Variants in POLR2D observed in about 807,000 individuals in gnomAD.
POLR2D encodes the protein DNA-directed RNA polymerase II subunit RPB4.
POLR2D carries 10 observed loss-of-function variants against 17.6 expected under a neutral mutation model. The observed-to-expected ratio is 0.57, with a 90% CI of 0.35 to 0.96. POLR2D has a LOEUF of 0.96. Among genes scored for constraint, POLR2D ranks in the 40% least tolerant of loss-of-function variants. The pLI is 0.02. For synonymous variants in POLR2D, 52 were observed against 60.2 expected, an observed-to-expected ratio of 0.86 and a Z score of 0.63; for missense variants, 126 against 176.4, an observed-to-expected ratio of 0.71 and a Z score of 1.62.
chr2:127,844,418 C>T lies in POLR2D; in HGVS notation c.*3689G>A, dbSNP rs1690117559. ...TCTGGTGAAGTGAGGGTTTGACAAC[C>T]TATCTTTTTGTTGTATCAGTATGTT... On this transcript the variant is annotated 3_prime_UTR_variant, in exon 4 of 4. Coordinates refer to ENST00000272645, the MANE Select transcript of POLR2D (RefSeq NM_004805.4). 6.6e-6 allele frequency: 1 copy of T among 152,172 alleles called. No individual in the cohort carries two copies. The highest frequency in any genetic ancestry group is 6.5e-5 in the Admixed American group (1 of 15,278). 9.4% of individuals were successfully genotyped at this position (152,172 alleles called of 1,614,324 possible). A position where few individuals can be genotyped will look rare whatever the true frequency, so the allele number is the denominator to read the frequency against.
At position 127,844,618 on chromosome 2, in the gene POLR2D, T is replaced by G. The variant is rs1690121122; in HGVS notation, c.*3489A>C. ...CTTTCAACCTACAACAGCATGAGGT[T>G]GCTTTACCAAGTTCCCTAGTATGAG... On this transcript the variant is annotated 3_prime_UTR_variant, in exon 4 of 4. Coordinates refer to ENST00000272645, the MANE Select transcript of POLR2D (RefSeq NM_004805.4). 1 of 152,200 alleles carries G rather than the reference T, an allele frequency of 6.6e-6. No homozygotes were observed. The allele number at this position is 152,200 out of a possible 1,614,324, so 9.4% of individuals were successfully genotyped here. A position where few individuals can be genotyped will look rare whatever the true frequency, so the allele number is the denominator to read the frequency against.
In POLR2D at chr2:127,852,783, T is replaced by G; in HGVS notation, c.254+142A>C. 1.5e-6 allele frequency: 1 copy of G among 669,860 alleles called. No homozygotes were observed. The highest frequency in any genetic ancestry group is 2.6e-6 in the Non-Finnish European group (1 of 379,956). 41.5% of individuals were successfully genotyped at this position (669,860 alleles called of 1,614,324 possible). ...GATCTGCTGCCTCAACCTTCCAAAG[T>G]GCTGGGTGTGAGCCACCATGCCCAG... is the stretch of plus-strand genomic sequence containing the variant. On this transcript the variant is annotated intron_variant, in intron 2 of 3. Coordinates refer to ENST00000272645, the MANE Select transcript of POLR2D (RefSeq NM_004805.4). This position sits in a 1 kb window ranked among gnomAD's most constrained non-coding sequence, Gnocchi z 4.0.
chr2:127,850,618 C>A lies in POLR2D; in HGVS notation c.322G>T (p.Ala108Ser). 6.3e-7 allele frequency: 1 copy of A among 1,580,164 alleles called. No individual in the cohort carries two copies. Among genetic ancestry groups the A allele is most frequent in the Non-Finnish European group, 8.7e-7 (1 of 1,155,828 alleles). Reference sequence around the variant, plus strand: ...GGGATTAGAGCCTTGGACTCCTCAGCAGTCTCTGGGCAAAGGTTGGCCAAA... The same window carrying A: ...GGGATTAGAGCCTTGGACTCCTCAGAAGTCTCTGGGCAAAGGTTGGCCAAA... ...ACLANLCPETAEESKALIPSL... is the reference protein window; with the variant it reads ...ACLANLCPETSEESKALIPSL... Residue 108 changes from alanine to serine, a missense_variant, in exon 3 of 4, where the codon GCT (alanine) becomes TCT (serine). By Grantham distance (99) the Ala-to-Ser change is moderately conservative. Around this residue, in one of 2 missense-constraint regions of POLR2D, gnomAD observed 85 missense variants for 151.4 expected, o/e 0.56. Coordinates refer to ENST00000272645, the MANE Select transcript of POLR2D (RefSeq NM_004805.4).
In POLR2D at chr2:127,853,354, T is replaced by C. The variant is rs534991290; in HGVS notation, c.74-249A>G. Among the ~76,000 whole-genome samples, 9 of 152,304 alleles carry C rather than the reference T, an allele frequency of 5.9e-5. No homozygotes were observed. In the South Asian group the frequency reaches 1.0e-3, roughly 18 times the overall value. The stretch of plus-strand genomic sequence containing the variant: ...GTCATCCAAGTGATAAGCATAGTAC[T>C]GATACATAGTTTTTCAATCTGCACC... On this transcript the variant is annotated intron_variant, in intron 1 of 3. Transcript: ENST00000272645.
intron 1 of POLR2D, among the ~76,000 whole-genome samples, chr2:127,853,662 C>G (rs1376366988): frequency 6.6e-6 from 1 of 152,040 alleles, no homozygotes; most frequent in African/African-American, 2.4e-5. Context: ...CAGGTGATGC[C>G]CCATCCCCAT....
Position 127,844,976 on chromosome 2 carries a change from T to C in POLR2D, c.*3131A>G, listed in dbSNP as rs1381597592. ...ACTGTGAGCTGCTTTTTAAATCTGC[T>C]TTTAATCACCTTGATAAATACCACT... On this transcript the variant is annotated 3_prime_UTR_variant, in exon 4 of 4. Coordinates refer to ENST00000272645, the MANE Select transcript of POLR2D (RefSeq NM_004805.4). 6.6e-6 allele frequency: 1 copy of C among 152,172 alleles called. No homozygotes were observed. The highest frequency in any genetic ancestry group is 1.5e-5 in the Non-Finnish European group (1 of 68,040). 9.4% of individuals were successfully genotyped at this position (152,172 alleles called of 1,614,324 possible). A position where few individuals can be genotyped will look rare whatever the true frequency, so the allele number is the denominator to read the frequency against.
In POLR2D at chr2:127,853,082, G is replaced by C; in HGVS notation, c.97C>G (p.Leu33Val). ...AGAAGCATATGAACTTCTGAATTTA[G>C]AAGTGTCTCAGCTGTTTCAAACTCT... The part of the protein sequence containing the change: ...PKEFETAETL[L>V]NSEVHMLLEH... Residue 33 changes from leucine (L) to valine (V), a missense_variant, in exon 2 of 4, where the codon CTA becomes GTA. Transcript: ENST00000272645. The C allele has an allele frequency of 6.2e-7, 1 of 1,613,568 alleles. No homozygotes were observed. The highest frequency in any genetic ancestry group is 8.5e-7 in the Non-Finnish European group (1 of 1,179,716).
In POLR2D at chr2:127,848,064, G is replaced by T; in HGVS notation, c.*43C>A. On this transcript the variant is annotated 3_prime_UTR_variant, in exon 4 of 4. Coordinates refer to ENST00000272645, the MANE Select transcript of POLR2D (RefSeq NM_004805.4). ...CCAGACAGTGGGAAGGTGGTGTTATGCCTGGGGATGTGGTTTCTCCGAGCA... is the reference window on the plus strand; with the variant it reads ...CCAGACAGTGGGAAGGTGGTGTTATTCCTGGGGATGTGGTTTCTCCGAGCA... 7.8e-7 allele frequency: 1 copy of T among 1,277,442 alleles called. No homozygotes were observed. 79.1% of individuals were successfully genotyped at this position (1,277,442 alleles called of 1,614,324 possible). A position where few individuals can be genotyped will look rare whatever the true frequency, so the allele number is the denominator to read the frequency against.
At position 127,846,825 on chromosome 2, in the gene POLR2D, C is replaced by A; in HGVS notation, c.*1282G>T. 1 of 155,360 alleles carries A rather than the reference C, an allele frequency of 6.4e-6. No individual in the cohort carries two copies. The highest frequency in any genetic ancestry group is 1.9e-4 in the South Asian group (1 of 5,282). 9.6% of individuals were successfully genotyped at this position (155,360 alleles called of 1,614,324 possible). On this transcript the variant is annotated 3_prime_UTR_variant, in exon 4 of 4. Transcript: ENST00000272645. ...CTTGCCTGCTTCATGAGCTCAATTCCTCACCACTGTGCTGTGAATGGCACA... is the reference window on the plus strand; with the variant it reads ...CTTGCCTGCTTCATGAGCTCAATTCATCACCACTGTGCTGTGAATGGCACA...
intron 1 of POLR2D, among the ~76,000 whole-genome samples, chr2:127,854,843 G>A (rs946256545): frequency 2.0e-5 from 3 of 152,052 alleles, no homozygotes; most frequent in African/African-American, 7.2e-5. Context: ...GAGCCTATTT[G>A]TATACCAGGA....
intron 1 of POLR2D, among the ~76,000 whole-genome samples, chr2:127,854,548 C>G (rs1690299849): frequency 6.6e-6 from 1 of 152,168 alleles, no homozygotes; most frequent in African/African-American, 2.4e-5. Context: ...TCCCATTTCT[C>G]AAGCCAGGTA....
At chr2:127,848,732 G>A (rs1045297142) in intron 3 of POLR2D, among the ~76,000 whole-genome samples, 4 of 152,112 alleles carry the variant, frequency 2.6e-5, no homozygotes, top group Non-Finnish European at 5.9e-5. Flanking sequence ...TATCCAGGAC[G>A]GTCTCGATCT....
Position 127,853,070 on chromosome 2 carries a change from C to T in POLR2D, c.109G>A (p.Val37Ile), listed in dbSNP as rs1198223624. 6.2e-7 allele frequency: 1 copy of T among 1,613,832 alleles called. No homozygotes were observed. The highest frequency in any genetic ancestry group is 1.3e-5 in the African/African-American group (1 of 74,926). Residue 37 changes from valine to isoleucine, a missense_variant, in exon 2 of 4, where the codon GTT becomes ATT. Physicochemically the swap from Val to Ile is conservative, Grantham distance 29. This residue lies in a region of POLR2D where 85 missense variants were observed against 151.4 expected (regional missense o/e 0.56). Coordinates refer to ENST00000272645, the MANE Select transcript of POLR2D (RefSeq NM_004805.4). ...TTTCGATGTTCCAGAAGCATATGAA[C>T]TTCTGAATTTAGAAGTGTCTCAGCT... ...ETAETLLNSE[V>I]HMLLEHRKQQ...
chr2:127,853,372 T>C (rs1458832390), intron 1 of POLR2D, among the ~76,000 whole-genome samples: 1 of 152,166 alleles, frequency 6.6e-6, no homozygotes, highest in Non-Finnish European at 1.5e-5. Flanking sequence ...AGTTTTTCAA[T>C]CTGCACCACC....
At position 127,848,075 on chromosome 2, in the gene POLR2D, TG is replaced by T. The variant is rs754654970; in HGVS notation, c.*31del. 1.2e-5 allele frequency: 17 copies of T among 1,428,498 alleles called. No homozygotes were observed. The highest frequency in any genetic ancestry group is 1.4e-5 in the Non-Finnish European group (14 of 1,010,900). The allele number at this position is 1,428,498 out of a possible 1,614,324, so 88.5% of individuals were successfully genotyped here. The stretch of plus-strand genomic sequence containing the variant: ...GAAGGTGGTGTTATGCCTGGGGATG[TG>T]GTTTCTCCGAGCAGCAGTGATGTTT... On this transcript the variant is annotated 3_prime_UTR_variant, in exon 4 of 4. Transcript: ENST00000272645.
rs898022711 is a variant in POLR2D at position 127,846,925 on chromosome 2, C to G, written c.*1182G>C. 18 of 152,822 alleles carry G rather than the reference C, an allele frequency of 1.2e-4. No homozygotes were observed. Among genetic ancestry groups the G allele is most frequent in the African/African-American group, 3.9e-4 (16 of 41,426 alleles). 9.5% of individuals were successfully genotyped at this position (152,822 alleles called of 1,614,324 possible). On this transcript the variant is annotated 3_prime_UTR_variant, in exon 4 of 4. Transcript: ENST00000272645. ...TCAAGGATGCTCATTTCAGAAACAT[C>G]GCTGACTGCTGCGGCCTCTACGTTT...
At position 127,856,290 on chromosome 2, in the gene POLR2D, CAAA is replaced by C. The variant is rs61249327; in HGVS notation, c.73+1735_73+1737del. 1.2e-4 allele frequency among the ~76,000 whole-genome samples: 3 copies of C among 25,404 alleles called. 1 individual carries two copies. The highest frequency in any genetic ancestry group is 1.9e-3 in the Admixed American group (2 of 1,060). The allele number at this position is 25,404 out of a possible 152,430, so 16.7% of individuals were successfully genotyped here. On this transcript the variant is annotated intron_variant, in intron 1 of 3. Coordinates refer to ENST00000272645, the MANE Select transcript of POLR2D (RefSeq NM_004805.4). ...TAGGTAGCAGAATGAGATCCCGTCTCAAAAAAAAAAAAAAAAAAAGGCAGGGTG... is the reference window on the plus strand; with the variant it reads ...TAGGTAGCAGAATGAGATCCCGTCTCAAAAAAAAAAAAAAAAGGCAGGGTG...
At chr2:127,857,998 GC>G (rs1331305126) in intron 1 of POLR2D, 29 bp downstream of exon 1, 3 of 1,574,646 alleles carry the variant, frequency 1.9e-6, no homozygotes, top group Non-Finnish European at 2.6e-6. Context: ...GCGAAGTGGC[GC>G]GGGGGAGTCT....
rs1422076855 is a variant in POLR2D at position 127,848,140 on chromosome 2, A to T, written c.396T>A (p.Asp132Glu). The T allele has an allele frequency of 6.2e-7, 1 of 1,612,886 alleles. No individual in the cohort carries two copies. Among genetic ancestry groups the T allele is most frequent in the South Asian group, 1.1e-5 (1 of 90,996 alleles). Residue 132 changes from aspartate to glutamate, a missense_variant, in exon 4 of 4, where the codon GAT becomes GAA. By Grantham distance (45) the Asp-to-Glu change is conservative. This residue lies in a region of POLR2D where 85 missense variants were observed against 151.4 expected (regional missense o/e 0.56). Coordinates refer to ENST00000272645, the MANE Select transcript of POLR2D (RefSeq NM_004805.4). ...FEDEELQQIL[D>E]DIQTKRSFQY ...GAAAGCTGCGCTTTGTCTGGATATC[A>T]TCAAGAATCTGCTGCAGCTCCTCAT...
Sources: gnomAD v4.1 joint callset for allele counts (sites outside exome capture counted in the v4.1 genomes callset) on GRCh38, gnomAD v4.1.1 for gene constraint, gnomAD v4.1.1 regional missense constraint, Gnocchi (gnomAD v3.1) non-coding constraint, MANE v1.5 for transcripts, NCBI Gene and HGNC (gene_info 2026-07-23, HGNC 2026-07-21) for gene names.